Variants in TSPAN18 observed in about 807,000 individuals in gnomAD.
TSPAN18 encodes tetraspanin-18.
A neutral mutation model predicts 27.3 loss-of-function variants in TSPAN18; 14 were observed. That is an observed-to-expected ratio of 0.51 (90% CI 0.34 to 0.80). TSPAN18 has a LOEUF of 0.80. Among genes scored for constraint, TSPAN18 ranks in the 30% least tolerant of loss-of-function variants. The probability of loss-of-function intolerance (pLI) is 0.01; values close to 1 mark genes in which losing one functional copy is unlikely to be tolerated. For synonymous variants in TSPAN18, 143 were observed against 136.5 expected, an observed-to-expected ratio of 1.05 and a Z score of -0.33; for missense variants, 268 against 323.9, an observed-to-expected ratio of 0.83 and a Z score of 1.32.
chr11:44,742,374 C>G (rs1285173846), intron 1 of TSPAN18, among the ~76,000 whole-genome samples: 1 of 147,916 alleles, frequency 6.8e-6, no homozygotes, highest in Admixed American at 6.8e-5. Flanking sequence ...ACCTCTTTCC[C>G]TCCCCCATTT....
upstream of TSPAN18, chr11:44,726,912 G>GGGGAGGGAGGGCGGGGGAGT (rs1854523026): frequency 1.5e-5 from 2 of 133,048 alleles, no homozygotes; most frequent in East Asian, 2.4e-4. Context: ...GGCGGGGGAG[G>GGGGAGGGAGGGCGGGGGAGT]GGAGGGACGG....
chr11:44,886,726 C>G (rs1858667414), intron 3 of TSPAN18, among the ~76,000 whole-genome samples: 1 of 152,184 alleles, frequency 6.6e-6, no homozygotes, highest in African/African-American at 2.4e-5. Flanking sequence ...AGAATAAGGT[C>G]AGTTTGGCTG....
chr11:44,787,812 T>C (rs537892552), intron 2 of TSPAN18, among the ~76,000 whole-genome samples: 10 of 152,294 alleles, frequency 6.6e-5, no homozygotes, highest in African/African-American at 2.4e-4. Flanking sequence ...AGTCCTTTTT[T>C]GCGAGGGTGC....
At chr11:44,775,266 T>G (rs1447056410) in intron 2 of TSPAN18, among the ~76,000 whole-genome samples, 1 of 152,252 alleles carries the variant, frequency 6.6e-6, no homozygotes, top group Non-Finnish European at 1.5e-5. Context: ...GATTATTTGT[T>G]GTTTATCTGA....
At chr11:44,760,638 T>A (rs1855432511) in intron 1 of TSPAN18, among the ~76,000 whole-genome samples, 1 of 152,160 alleles carries the variant, frequency 6.6e-6, no homozygotes, top group Non-Finnish European at 1.5e-5. Flanking sequence ...TGACCAAATT[T>A]TTCTTGTAAA....
At position 44,839,693 on chromosome 11, in the gene TSPAN18, G is replaced by A. The variant is rs1857331485; in HGVS notation, c.-152-20635G>A. ...TTGGCTAATTGCTTCCTGGAGTTAA[G>A]ACAGGCACCATCACTGAACTGAGCA... is the stretch of plus-strand genomic sequence containing the variant. On this transcript the variant is annotated intron_variant, in intron 2 of 9. Transcript: ENST00000520358. Among the ~76,000 whole-genome samples, 5 of 152,210 alleles carry A rather than the reference G, an allele frequency of 3.3e-5. No individual in the cohort carries two copies. The South Asian group carries it at 1.0e-3, about 32-fold the overall frequency.
At chr11:44,901,591 T>C (rs550629127) in intron 3 of TSPAN18, among the ~76,000 whole-genome samples, 9 of 152,236 alleles carry the variant, frequency 5.9e-5, no homozygotes, top group Non-Finnish European at 1.3e-4. Flanking sequence ...ATCAGATTCC[T>C]GCTCTGCCAT....
chr11:44,876,854 G>C (rs1858347520), intron 3 of TSPAN18, among the ~76,000 whole-genome samples: 1 of 152,120 alleles, frequency 6.6e-6, no homozygotes, highest in East Asian at 1.9e-4. Flanking sequence ...CAGCTTCTGG[G>C]CAGGCAGCAA....
At chr11:44,728,444 CT>C in intron 1 of TSPAN18, among the ~76,000 whole-genome samples, 1 of 152,254 alleles carries the variant, frequency 6.6e-6, no homozygotes, top group Non-Finnish European at 1.5e-5. Context: ...TTTCCTGGAT[CT>C]GGTCGAATCC....
intron 3 of TSPAN18, among the ~76,000 whole-genome samples, chr11:44,866,504 G>T (rs1858040672): frequency 6.6e-6 from 1 of 152,150 alleles, no homozygotes; most frequent in Admixed American, 6.5e-5. Flanking sequence ...AGCTATTTCT[G>T]TGCTAGCCAG....
intron 2 of TSPAN18, among the ~76,000 whole-genome samples, chr11:44,830,081 C>T (rs1296128266): frequency 2.0e-5 from 3 of 152,160 alleles, no homozygotes; most frequent in African/African-American, 4.8e-5. Context: ...TCCCCTAGCC[C>T]ACTCCACACC....
chr11:44,917,098 C>G (rs1405761878), intron 5 of TSPAN18, among the ~76,000 whole-genome samples: 5 of 152,216 alleles, frequency 3.3e-5, no homozygotes, highest in Non-Finnish European at 7.3e-5. Context: ...GCAGGCAGCG[C>G]GCTGAGTGAC....
In TSPAN18 at chr11:44,909,860, C is replaced by T. The variant is rs748436209; in HGVS notation, c.219C>T (p.Cys73=). The change falls in exon 5 of 10, where the codon TGC becomes TGT. Residue 73 remains cysteine (C), a synonymous_variant. Transcript: ENST00000520358. ...TCTTTCTGCTCGGCTTCCTGGGCTG[C>T]TGCGGGGCCGTCCGTGAGAACAAGT... The part of the protein sequence containing the change: ...GLLFLLGFLG[C]CGAVRENKCL... 9.9e-6 allele frequency: 16 copies of T among 1,613,928 alleles called. No homozygotes were observed. The South Asian group carries it at 1.8e-4, about 18-fold the overall frequency.
At chr11:44,814,666 C>T (rs1459535346) in intron 2 of TSPAN18, among the ~76,000 whole-genome samples, 4 of 151,292 alleles carry the variant, frequency 2.6e-5, no homozygotes, top group Non-Finnish European at 5.9e-5. Context: ...ATCCATCCAT[C>T]CATCCATCCA....
intron 8 of TSPAN18, among the ~76,000 whole-genome samples, chr11:44,921,390 C>T (rs1244600323): frequency 6.6e-6 from 1 of 152,152 alleles, no homozygotes; most frequent in African/African-American, 2.4e-5. Context: ...ACGATCCATT[C>T]ACCCCTACTC....
At chr11:44,827,475 G>T (rs1857068376) in intron 2 of TSPAN18, among the ~76,000 whole-genome samples, 1 of 152,224 alleles carries the variant, frequency 6.6e-6, no homozygotes, top group Non-Finnish European at 1.5e-5. Context: ...GACTGGGGAA[G>T]TGCCTGGAGT....
intron 3 of TSPAN18, among the ~76,000 whole-genome samples, chr11:44,891,556 G>A (rs1327928388): frequency 2.0e-5 from 3 of 152,330 alleles, no homozygotes; most frequent in East Asian, 3.9e-4. Context: ...CAACCTGGAG[G>A]ATAAGAAACA....
intron 2 of TSPAN18, among the ~76,000 whole-genome samples, chr11:44,848,314 A>G (rs1325931428): frequency 2.0e-5 from 3 of 152,050 alleles, no homozygotes; most frequent in Admixed American, 1.3e-4. Flanking sequence ...GATGGCTGGT[A>G]CCCTAGGAAC....
chr11:44,929,049 C>T, intron 9 of TSPAN18, 82 bp from the exon 10 acceptor site: 1 of 1,565,520 alleles, frequency 6.4e-7, no homozygotes, highest in Admixed American at 1.7e-5. Flanking sequence ...GGCATTCACT[C>T]CCCTTCCCCT....
Sources: gnomAD v4.1 joint callset for allele counts (sites outside exome capture counted in the v4.1 genomes callset) on GRCh38, gnomAD v4.1.1 for gene constraint, MANE v1.5 for transcripts, NCBI Gene and HGNC (gene_info 2026-07-23, HGNC 2026-07-21) for gene names.